NPHP4: variants seen among roughly 807,000 people sequenced by gnomAD.
NPHP4 encodes the protein nephrocystin 4.
NPHP4 carries 151 observed loss-of-function variants against 155.8 expected under a neutral mutation model. That is an observed-to-expected ratio of 0.97 (90% CI 0.85 to 1.11). NPHP4 has a LOEUF of 1.11. Among genes scored for constraint, NPHP4 ranks in the 50% least tolerant of loss-of-function variants. The pLI is 0.00. For missense variants in NPHP4, 1,956 were observed against 1,925.7 expected, an observed-to-expected ratio of 1.02 and a Z score of -0.29; for synonymous variants, 845 against 816.8, an observed-to-expected ratio of 1.03 and a Z score of -0.59.
chr1:5,930,851 TACTTA>T (rs1018664927), intron 10 of NPHP4, among the ~76,000 whole-genome samples: 3 of 152,246 alleles, frequency 2.0e-5, no homozygotes, highest in African/African-American at 7.2e-5. Context: ...GTTCTTTGTT[TACTTA>T]GAGAGGATGC....
intron 9 of NPHP4, among the ~76,000 whole-genome samples, chr1:5,942,148 C>T (rs1297659423): frequency 2.6e-5 from 4 of 152,118 alleles, no homozygotes; most frequent in African/African-American, 9.7e-5. Flanking sequence ...CTTGCTCACA[C>T]GGACCACTAC....
At chr1:5,945,315 C>T (rs951392195) in intron 9 of NPHP4, among the ~76,000 whole-genome samples, 2 of 151,998 alleles carry the variant, frequency 1.3e-5, no homozygotes, top group South Asian at 2.1e-4. Context: ...CCCCATCCCT[C>T]CCCATGAGCC....
intron 10 of NPHP4, 104 bp downstream of exon 10, chr1:5,933,043 G>T: frequency 1.1e-6 from 1 of 940,032 alleles, no homozygotes; most frequent in Admixed American, 2.8e-5. Context: ...AAAAAATTCT[G>T]TAAATGAAAC....
intron 3 of NPHP4, among the ~76,000 whole-genome samples, chr1:5,974,001 G>A (rs560240495): frequency 3.3e-5 from 5 of 152,258 alleles, no homozygotes; most frequent in Non-Finnish European, 5.9e-5. Flanking sequence ...AGCAGCCATC[G>A]GGCTCTGCAG....
rs1248980606 is a variant in NPHP4, at chr1:5,882,492, T to TG, written c.2486-2254dup. ...CTCCTTGACCTCGACGTCAGCACCATGCTGTGCAGCAGGACAGCCGTGCTG... is the reference window on the plus strand; with the variant it reads ...CTCCTTGACCTCGACGTCAGCACCATGGCTGTGCAGCAGGACAGCCGTGCTG... On this transcript the variant is annotated intron_variant, in intron 18 of 29. Coordinates refer to ENST00000378156, the MANE Select transcript of NPHP4 (RefSeq NM_015102.5). The surrounding 1 kb of genome is among the most constrained non-coding windows in gnomAD (Gnocchi z 5.1). The TG allele has an allele frequency of 1.3e-5, 2 of 152,894 alleles. No individual in the cohort carries two copies. Among genetic ancestry groups the TG allele is most frequent in the African/African-American group, 4.8e-5 (2 of 41,432 alleles). The allele number at this position is 152,894 out of a possible 1,614,324, so 9.5% of individuals were successfully genotyped here.
chr1:5,974,533 A>C (rs1224426844), intron 3 of NPHP4, among the ~76,000 whole-genome samples: 1 of 152,138 alleles, frequency 6.6e-6, no homozygotes, highest in Non-Finnish European at 1.5e-5. Context: ...TTAGAAGTTG[A>C]ATGAATGATT....
At position 5,944,361 on chromosome 1, in the gene NPHP4, G is replaced by C. The variant is rs1261287329; in HGVS notation, c.1119+2743C>G. Among the ~76,000 whole-genome samples, 2 of 152,246 alleles carry C rather than the reference G, an allele frequency of 1.3e-5. No individual in the cohort carries two copies. Among genetic ancestry groups the C allele is most frequent in the Non-Finnish European group, 2.9e-5 (2 of 68,046 alleles). On this transcript the variant is annotated intron_variant, in intron 9 of 29. Coordinates refer to ENST00000378156, the MANE Select transcript of NPHP4 (RefSeq NM_015102.5). The surrounding 1 kb of genome is among the most constrained non-coding windows in gnomAD (Gnocchi z 4.3). ...TCTGGGAGACACTGCTGCAGACGGG[G>C]TGGCTGAGGTGGGAGGGCCCTGCCA...
At chr1:5,884,279 A>G (rs997631973) in intron 18 of NPHP4, among the ~76,000 whole-genome samples, 2 of 152,206 alleles carry the variant, frequency 1.3e-5, no homozygotes, top group East Asian at 3.9e-4. Context: ...GTGTGACCCC[A>G]CAGCCTGGCC....
chr1:5,873,534 T>A (rs899899006), intron 22 of NPHP4, 199 bp from the exon 23 acceptor site: 1 of 606,198 alleles, frequency 1.6e-6, no homozygotes, highest in South Asian at 2.0e-5. Flanking sequence ...GAACAGCAGA[T>A]CCCAGGTGGA....
In NPHP4 at chr1:5,889,831, G is replaced by T. The variant is rs575574945; in HGVS notation, c.2304+1037C>A. On this transcript the variant is annotated intron_variant, in intron 17 of 29. Transcript: ENST00000378156. This position sits in a 1 kb window ranked among gnomAD's most constrained non-coding sequence, Gnocchi z 4.2. The stretch of plus-strand genomic sequence containing the variant: ...ATGAGAAGAGCAGCCAAGCCCTGCG[G>T]AGTCCCTGCCACCTGCAGACCCCAC... Among the ~76,000 whole-genome samples the T allele has an allele frequency of 1.0e-3, 158 of 152,316 alleles. No homozygotes were observed. The highest frequency in any genetic ancestry group is 3.7e-3 in the African/African-American group (153 of 41,574).
intron 2 of NPHP4, among the ~76,000 whole-genome samples, chr1:5,979,200 T>A (rs550498866): frequency 6.6e-6 from 1 of 152,320 alleles, no homozygotes; most frequent in East Asian, 1.9e-4. Context: ...TTAGTAAACG[T>A]TACTTACACA....
At position 5,952,802 on chromosome 1, in the gene NPHP4, G is replaced by T; in HGVS notation, c.708C>A (p.Pro236=). 6.3e-7 allele frequency: 1 copy of T among 1,599,260 alleles called. No homozygotes were observed. The highest frequency in any genetic ancestry group is 2.3e-5 in the East Asian group (1 of 44,250). ...DALRKPRLQK[P]ITGHLDDLFF... is the part of the protein sequence containing the mutation. The stretch of plus-strand genomic sequence containing the variant: ...ATAAGTCATCCAAGTGCCCCGTGAT[G>T]GGCTTCTGGAGGCGAGGCTTTCGGA... The change falls in exon 7 of 30, where the codon CCC becomes CCA. Residue 236 remains proline (P), a synonymous_variant. Coordinates refer to ENST00000378156, the MANE Select transcript of NPHP4 (RefSeq NM_015102.5).
At chr1:5,887,173 T>A in intron 18 of NPHP4, 113 bp downstream of exon 18, 1 of 1,018,702 alleles carries the variant, frequency 9.8e-7, no homozygotes. Flanking sequence ...ATTCTCCCGG[T>A]TTCCTCCTGG....
chr1:5,947,318 G>A (rs1647158401), intron 8 of NPHP4, 88 bp from the exon 9 acceptor site: 3 of 1,462,632 alleles, frequency 2.1e-6, no homozygotes. Context: ...GAACAGTCAA[G>A]GGGACACCCT....
At chr1:5,983,784 CT>C (rs1202643207) in intron 2 of NPHP4, among the ~76,000 whole-genome samples, 1 of 152,138 alleles carries the variant, frequency 6.6e-6, no homozygotes, top group African/African-American at 2.4e-5. Flanking sequence ...TGAGGTGCCC[CT>C]TTATTTCTGG....
At chr1:5,899,723 A>C (rs1644577258) in intron 16 of NPHP4, among the ~76,000 whole-genome samples, 1 of 152,242 alleles carries the variant, frequency 6.6e-6, no homozygotes, top group Non-Finnish European at 1.5e-5. Flanking sequence ...GATACAACCC[A>C]TGCACAATCC....
At chr1:5,938,005 G>A (rs943487776) in intron 9 of NPHP4, among the ~76,000 whole-genome samples, 1 of 152,204 alleles carries the variant, frequency 6.6e-6, no homozygotes, top group Non-Finnish European at 1.5e-5. Flanking sequence ...TCCACCCTGT[G>A]CACCAGCTCC....
chr1:5,940,312 C>T (rs146131969), intron 9 of NPHP4, among the ~76,000 whole-genome samples: 64 of 152,182 alleles, frequency 4.2e-4, no homozygotes, highest in Admixed American at 4.1e-3. Flanking sequence ...TAGGGAGTGA[C>T]GTAACAAGAA....
intron 23 of NPHP4, among the ~76,000 whole-genome samples, chr1:5,869,540 TAAAC>T (rs1488149077): frequency 1.1e-4 from 16 of 152,356 alleles, no homozygotes; most frequent in African/African-American, 3.6e-4. Flanking sequence ...GTATTAAAAA[TAAAC>T]AAATCTAAGC....
Sources: gnomAD v4.1 joint callset for allele counts (sites outside exome capture counted in the v4.1 genomes callset) on GRCh38, gnomAD v4.1.1 for gene constraint, Gnocchi (gnomAD v3.1) non-coding constraint, MANE v1.5 for transcripts, NCBI Gene and HGNC (gene_info 2026-07-23, HGNC 2026-07-21) for gene names.